Variants in CBL observed in about 807,000 individuals in gnomAD.
CBL encodes E3 ubiquitin-protein ligase CBL.
A neutral mutation model predicts 96.9 loss-of-function variants in CBL; 45 were observed. The observed-to-expected ratio is 0.46, with a 90% CI of 0.37 to 0.60. The LOEUF (loss-of-function observed/expected upper bound fraction) is 0.60. CBL is among the 20% of genes least tolerant of loss of function. The pLI, the probability that CBL is intolerant of heterozygous loss-of-function variation, is 0.00. For synonymous variants in CBL, 420 were observed against 426.8 expected (o/e 0.98, Z 0.20); for missense variants, 1,024 against 1,143.5 (o/e 0.90, Z 1.51).
rs1950090187 is a variant in CBL, at chr11:119,299,903, GA to G, written c.*123del. On this transcript the variant is annotated 3_prime_UTR_variant, in exon 16 of 16. Coordinates refer to ENST00000264033, the MANE Select transcript of CBL (RefSeq NM_005188.4). ...CAGTGAAGTCTTGCCCTCTCTGTGG[GA>G]TATCACATCAGTGGTTCCAAGATTT... 1 of 920,244 alleles carries G rather than the reference GA, an allele frequency of 1.1e-6. No homozygotes were observed. Among genetic ancestry groups the G allele is most frequent in the Non-Finnish European group, 1.8e-6 (1 of 562,978 alleles). 57.0% of individuals were successfully genotyped at this position (920,244 alleles called of 1,614,324 possible). A position where few individuals can be genotyped will look rare whatever the true frequency, so the allele number is the denominator to read the frequency against.
intron 12 of CBL, among the ~76,000 whole-genome samples, chr11:119,294,037 G>A (rs1950047393): frequency 6.6e-6 from 1 of 152,242 alleles, no homozygotes; most frequent in Non-Finnish European, 1.5e-5. Context: ...TTGCTCTCCA[G>A]TGTCTTCTTT....
At chr11:119,282,111 G>A (rs976157406) in intron 9 of CBL, among the ~76,000 whole-genome samples, 1 of 151,496 alleles carries the variant, frequency 6.6e-6, no homozygotes, top group Non-Finnish European at 1.5e-5. Flanking sequence ...GCCGAAGCGG[G>A]CAGATCACCT....
At chr11:119,250,727 T>C (rs11217215) in intron 2 of CBL, among the ~76,000 whole-genome samples, 44 of 152,010 alleles carry the variant, frequency 2.9e-4, no homozygotes, top group African/African-American at 1.0e-3. Flanking sequence ...GAGGTGGGTG[T>C]ATTCCTTGAG....
chr11:119,265,236 T>C (rs756024790), intron 2 of CBL, among the ~76,000 whole-genome samples: 76 of 152,234 alleles, frequency 5.0e-4, no homozygotes, highest in Non-Finnish European at 9.8e-4. Flanking sequence ...AAATACCATA[T>C]AAACTTTTTT....
At chr11:119,265,053 A>AT (rs1355421596) in intron 2 of CBL, among the ~76,000 whole-genome samples, 2 of 149,866 alleles carry the variant, frequency 1.3e-5, no homozygotes, top group East Asian at 2.0e-4. Context: ...ATTTTTTTGC[A>AT]TTTTTTGTAT....
chr11:119,274,076 G>A, intron 4 of CBL, 52 bp downstream of exon 4: 3 of 1,035,204 alleles, frequency 2.9e-6, no homozygotes, highest in Admixed American at 2.0e-5. Context: ...TCGGTGAAGA[G>A]AAAGCTTTTT....
At chr11:119,211,234 T>G (rs1021009917) in intron 1 of CBL, among the ~76,000 whole-genome samples, 6 of 151,820 alleles carry the variant, frequency 4.0e-5, no homozygotes, top group African/African-American at 1.5e-4. Context: ...TAGCCGGGCA[T>G]GGTGGTGGGT....
intron 1 of CBL, among the ~76,000 whole-genome samples, chr11:119,224,478 A>G (rs1949439575): frequency 6.6e-6 from 1 of 152,242 alleles, no homozygotes; most frequent in South Asian, 2.1e-4. Context: ...ACTGTTGACC[A>G]GAAGCCTTAC....
chr11:119,285,366 G>C lies in CBL; in HGVS notation c.1741G>C (p.Val581Leu), dbSNP rs2135310654. Residue 581 changes from valine to leucine, a missense_variant, in exon 11 of 16, where the codon GTC (valine) becomes CTC (leucine). Physicochemically the swap from Val to Leu is conservative, Grantham distance 32. Around this residue, in one of 4 missense-constraint regions of CBL, gnomAD observed 695 missense variants for 661.6 expected, o/e 1.05. Transcript: ENST00000264033. The stretch of plus-strand genomic sequence containing the variant: ...TCCCTCCAGAGACAAACTGCCCCCT[G>C]TCCCCTCTAGCCGCCTTGGAGACTC... ...DCPSRDKLPP[V>L]PSSRLGDSWL... The C allele has an allele frequency of 6.2e-7, 1 of 1,614,070 alleles. No individual in the cohort carries two copies. Among genetic ancestry groups the C allele is most frequent in the Non-Finnish European group, 8.5e-7 (1 of 1,180,016 alleles).
rs2135319880 is a variant in CBL, at chr11:119,296,982, A to G, written c.2101A>G (p.Met701Val). 1.9e-6 allele frequency: 3 copies of G among 1,612,584 alleles called. No individual in the cohort carries two copies. The highest frequency in any genetic ancestry group is 2.5e-6 in the Non-Finnish European group (3 of 1,178,570). Residue 701 changes from methionine to valine, a missense_variant, in exon 13 of 16, where the codon ATG (methionine) becomes GTG (valine). Met to Val is a conservative substitution (Grantham distance 21). This residue lies in a region of CBL where 695 missense variants were observed against 661.6 expected (regional missense o/e 1.05). Transcript: ENST00000264033. The stretch of plus-strand genomic sequence containing the variant: ...TGAGGGTGAAGAGGACACAGAGTAC[A>G]TGACTCCCTCTTCCAGGCCTCTACG... ...QCEGEEDTEYMTPSSRPLRPL... is the reference protein window; with the variant it reads ...QCEGEEDTEYVTPSSRPLRPL...
intron 6 of CBL, among the ~76,000 whole-genome samples, chr11:119,277,263 A>ACG (rs1216331032): frequency 6.6e-6 from 1 of 151,888 alleles, no homozygotes; most frequent in Non-Finnish European, 1.5e-5. Flanking sequence ...ACACACACAC[A>ACG]CACACACATA....
At chr11:119,257,062 C>G (rs559968860) in intron 2 of CBL, among the ~76,000 whole-genome samples, 64 of 152,336 alleles carry the variant, frequency 4.2e-4, no homozygotes, top group African/African-American at 1.4e-3. Context: ...CATACAGTGA[C>G]TTATTTTCCT....
chr11:119,250,480 C>T (rs1565864667), intron 2 of CBL, among the ~76,000 whole-genome samples: 1 of 152,176 alleles, frequency 6.6e-6, no homozygotes, highest in Non-Finnish European at 1.5e-5. Context: ...CCTTGGCTTT[C>T]CCAGGCCCCA....
intron 1 of CBL, among the ~76,000 whole-genome samples, chr11:119,223,001 C>G (rs985135401): frequency 6.6e-6 from 1 of 151,770 alleles, no homozygotes; most frequent in South Asian, 2.1e-4. Context: ...CATAGTGAGG[C>G]CCTATCGCTG....
intron 2 of CBL, among the ~76,000 whole-genome samples, chr11:119,237,319 A>G (rs1949553472): frequency 6.6e-6 from 1 of 152,230 alleles, no homozygotes; most frequent in African/African-American, 2.4e-5. Context: ...TCTGGATGCT[A>G]GACCAGATAC....
chr11:119,230,753 G>GT (rs1330977740), intron 1 of CBL, among the ~76,000 whole-genome samples: 2 of 152,148 alleles, frequency 1.3e-5, no homozygotes, highest in African/African-American at 4.8e-5. Flanking sequence ...ATTTCCTTGT[G>GT]TGCATGTGTG....
chr11:119,246,234 A>G (rs1949630626), intron 2 of CBL, among the ~76,000 whole-genome samples: 4 of 151,862 alleles, frequency 2.6e-5, no homozygotes. Context: ...CGGCCTCCCA[A>G]AGTGCTGGGA....
intron 1 of CBL, among the ~76,000 whole-genome samples, chr11:119,219,973 C>G (rs1278234715): frequency 6.6e-6 from 1 of 152,062 alleles, no homozygotes; most frequent in Non-Finnish European, 1.5e-5. Flanking sequence ...CCTCAGCCAC[C>G]CGAGTAGCTG....
At position 119,217,883 on chromosome 11, in the gene CBL, C is replaced by G. The variant is rs146394250; in HGVS notation, c.195+11271C>G. ...GCCAAGAGTTCAAGACCAGCCTAGT[C>G]GATGTAGTTAGAACCCCATCTCTAC... On this transcript the variant is annotated intron_variant, in intron 1 of 15. Transcript: ENST00000264033. Among the ~76,000 whole-genome samples, 119 of 152,004 alleles carry G rather than the reference C, an allele frequency of 7.8e-4. No homozygotes were observed. The East Asian group carries it at 0.013, about 16-fold the overall frequency.
Sources: allele counts gnomAD v4.1 joint callset (sites outside exome capture counted in the v4.1 genomes callset), GRCh38; gene constraint gnomAD v4.1.1; regional missense constraint gnomAD v4.1.1; transcripts MANE v1.5; gene names NCBI Gene and HGNC (gene_info 2026-07-23, HGNC 2026-07-21).